Variants in PRSS35 observed in about 807,000 individuals in gnomAD.
The protein encoded by PRSS35 is serine protease 35.
PRSS35 carries 7 observed loss-of-function variants against 8.1 expected under a neutral mutation model. The ratio of observed to expected loss-of-function variants is 0.86; its 90% confidence interval spans 0.49 to 1.62. PRSS35 has a LOEUF of 1.62. PRSS35 is among the 40% of genes most tolerant of loss of function. The pLI is 0.00. For synonymous variants in PRSS35, 199 were observed against 188.7 expected, an observed-to-expected ratio of 1.05 and a Z score of -0.45; for missense variants, 566 against 518.0, an observed-to-expected ratio of 1.09 and a Z score of -0.90.
At chr6:83,514,499 G>A (rs1168217571) in intron 1 of PRSS35, among the ~76,000 whole-genome samples, 1 of 151,876 alleles carries the variant, frequency 6.6e-6, no homozygotes, top group African/African-American at 2.4e-5. Context: ...ACATTTTTTT[G>A]GTCTCCATTT....
In PRSS35 at chr6:83,518,318, T is replaced by G. The variant is rs1026859131; in HGVS notation, c.-20-5104T>G. Among the ~76,000 whole-genome samples the G allele has an allele frequency of 3.3e-5, 5 of 152,338 alleles. No homozygotes were observed. In the South Asian group the frequency reaches 1.0e-3, roughly 32 times the overall value. ...ATAGACTCACTCAAAAAGTTGTTTT[T>G]TTTTCATTGTAGATCACTCCCTTAG... On this transcript the variant is annotated intron_variant, in intron 1 of 1. Transcript: ENST00000369700.
chr6:83,515,199 T>G (rs1771689382), intron 1 of PRSS35, among the ~76,000 whole-genome samples: 1 of 152,192 alleles, frequency 6.6e-6, no homozygotes, highest in Non-Finnish European at 1.5e-5. Context: ...CTGGAAGAAA[T>G]CTTAGAAATG....
chr6:83,518,974 G>A (rs1407449813), intron 1 of PRSS35, among the ~76,000 whole-genome samples: 3 of 152,120 alleles, frequency 2.0e-5, no homozygotes, highest in African/African-American at 7.2e-5. Flanking sequence ...TGGTGAAAAG[G>A]GAATTGAACC....
At chr6:83,522,065 ATGGCTG>A (rs1158736719) in intron 1 of PRSS35, among the ~76,000 whole-genome samples, 1 of 152,152 alleles carries the variant, frequency 6.6e-6, no homozygotes, top group East Asian at 1.9e-4. Context: ...CTGTGGTACA[ATGGCTG>A]TGGGCCATTG....
chr6:83,522,072 T>C (rs1771832275), intron 1 of PRSS35, among the ~76,000 whole-genome samples: 1 of 152,124 alleles, frequency 6.6e-6, no homozygotes, highest in Non-Finnish European at 1.5e-5. Flanking sequence ...ACAATGGCTG[T>C]GGGCCATTGC....
At chr6:83,519,452 T>G (rs577608467) in intron 1 of PRSS35, among the ~76,000 whole-genome samples, 2 of 152,280 alleles carry the variant, frequency 1.3e-5, no homozygotes, top group African/African-American at 2.4e-5. Context: ...ATGTTAGACT[T>G]TCAAAATATT....
chr6:83,520,972 C>T (rs765054825), intron 1 of PRSS35, among the ~76,000 whole-genome samples: 8 of 152,068 alleles, frequency 5.3e-5, no homozygotes, highest in Non-Finnish European at 7.4e-5. Context: ...TGTCTCTTGA[C>T]GTGGATATTT....
rs181298125 is a variant in PRSS35 at position 83,521,143 on chromosome 6, A to G, written c.-20-2279A>G. On this transcript the variant is annotated intron_variant, in intron 1 of 1. Coordinates refer to ENST00000369700, the MANE Select transcript of PRSS35 (RefSeq NM_153362.3). ...GAGAATCAAGTAGATTTAAAAATAT[A>G]CATAATGATATATATCATTTTTATC... Among the ~76,000 whole-genome samples, 221 of 152,314 alleles carry G rather than the reference A, an allele frequency of 1.5e-3. 1 individual carries two copies. The highest frequency in any genetic ancestry group is 5.0e-3 in the African/African-American group (209 of 41,564).
intron 1 of PRSS35, among the ~76,000 whole-genome samples, chr6:83,521,091 A>T (rs1373667015): frequency 6.6e-6 from 1 of 152,180 alleles, no homozygotes; most frequent in African/African-American, 2.4e-5. Flanking sequence ...CCCACACCAA[A>T]ACAACTCCCT....
intron 1 of PRSS35, among the ~76,000 whole-genome samples, chr6:83,519,387 A>C (rs1771778271): frequency 1.3e-5 from 2 of 152,196 alleles, no homozygotes; most frequent in African/African-American, 4.8e-5. Flanking sequence ...TGGACAGTGA[A>C]GGTCACAGTT....
At position 83,524,337 on chromosome 6, in the gene PRSS35, T is replaced by A. The variant is rs1303662762; in HGVS notation, c.896T>A (p.Ile299Asn). The A allele has an allele frequency of 6.2e-7, 1 of 1,613,962 alleles. No homozygotes were observed. Among genetic ancestry groups the A allele is most frequent in the Non-Finnish European group, 8.5e-7 (1 of 1,180,038 alleles). The change falls in exon 2 of 2, where the codon ATC (isoleucine) becomes AAC (asparagine). Residue 299 changes from isoleucine (I) to asparagine (N), a missense_variant. Transcript: ENST00000369700. ...ATGGAACTTGGAATCAGCCCAACGA[T>A]CAAGAAAATGCCTGGTGGAATGATC... ...KYMELGISPT[I>N]KKMPGGMIHF...
chr6:83,522,049 T>G (rs923041226), intron 1 of PRSS35, among the ~76,000 whole-genome samples: 5 of 152,182 alleles, frequency 3.3e-5, no homozygotes, highest in Non-Finnish European at 7.3e-5. Flanking sequence ...ATCCTGTGGG[T>G]GTACCCTGTG....
Position 83,523,909 on chromosome 6 carries a change from C to G in PRSS35, c.468C>G (p.Gly156=), listed in dbSNP as rs748332225. The part of the protein sequence containing the change: ...TAVKLSTGCS[G]ILISPQHVLT... ...TGAAGCTTTCCACGGGCTGTAGTGG[C>G]ATTCTCATTTCCCCTCAGCATGTTC... The change falls in exon 2 of 2, where the codon GGC becomes GGG. Residue 156 remains glycine, a synonymous_variant. Transcript: ENST00000369700. 6.2e-7 allele frequency: 1 copy of G among 1,614,212 alleles called. No individual in the cohort carries two copies. The highest frequency in any genetic ancestry group is 1.1e-5 in the South Asian group (1 of 91,084).
In PRSS35 at chr6:83,523,420, A is replaced by C; in HGVS notation, c.-20-2A>C. 1 of 1,581,338 alleles carries C rather than the reference A, an allele frequency of 6.3e-7. No individual in the cohort carries two copies. The highest frequency in any genetic ancestry group is 8.6e-7 in the Non-Finnish European group (1 of 1,164,618). On this transcript the variant is annotated splice_acceptor_variant, in intron 1 of 1. Coordinates refer to ENST00000369700, the MANE Select transcript of PRSS35 (RefSeq NM_153362.3). LOFTEE classifies it low-confidence loss of function (5UTR_SPLICE). ...AAACCTCTCTCTTTTTCTATTTTTA[A>C]GGACAAAATTAGAAGATCAAAATGG...
In PRSS35 at chr6:83,524,835, TA is replaced by T. The variant is rs1771909168; in HGVS notation, c.*158del. On this transcript the variant is annotated 3_prime_UTR_variant, in exon 2 of 2. Coordinates refer to ENST00000369700, the MANE Select transcript of PRSS35 (RefSeq NM_153362.3). ...CAAAATCAGGAGATTTTCGTCCATT[TA>T]AAAAATGTATAGGTGCAGATATTGA... The T allele has an allele frequency of 1.2e-6, 1 of 854,596 alleles. No individual in the cohort carries two copies. The highest frequency in any genetic ancestry group is 2.7e-5 in the East Asian group (1 of 36,674). 52.9% of individuals were successfully genotyped at this position (854,596 alleles called of 1,614,324 possible).
At position 83,524,554 on chromosome 6, in the gene PRSS35, A is replaced by G. The variant is rs774427908; in HGVS notation, c.1113A>G (p.Ser371=). Residue 371 remains serine, a synonymous_variant, in exon 2 of 2, where the codon TCA becomes TCG. Transcript: ENST00000369700. The stretch of plus-strand genomic sequence containing the variant: ...AGCGCAAAATCATTGCGGTCTACTC[A>G]GGGCACCAGTGGGTGGATGTCCACG... ...NWKRKIIAVY[S]GHQWVDVHGV... is the part of the protein sequence containing the mutation. 5.0e-6 allele frequency: 8 copies of G among 1,614,090 alleles called. No individual in the cohort carries two copies. Among genetic ancestry groups the G allele is most frequent in the African/African-American group, 4.0e-5 (3 of 74,924 alleles).
chr6:83,524,557 G>A lies in PRSS35; in HGVS notation c.1116G>A (p.Gly372=). 2 of 1,614,176 alleles carry A rather than the reference G, an allele frequency of 1.2e-6. No homozygotes were observed. Among genetic ancestry groups the A allele is most frequent in the South Asian group, 2.2e-5 (2 of 91,080 alleles). Residue 372 remains glycine (G), a synonymous_variant, in exon 2 of 2, where the codon GGG becomes GGA. Transcript: ENST00000369700. ...GCAAAATCATTGCGGTCTACTCAGG[G>A]CACCAGTGGGTGGATGTCCACGGGG... is the stretch of plus-strand genomic sequence containing the variant. ...WKRKIIAVYS[G]HQWVDVHGVQ... is the part of the protein sequence containing the mutation.
At chr6:83,519,175 C>G (rs943515391) in intron 1 of PRSS35, among the ~76,000 whole-genome samples, 7 of 152,184 alleles carry the variant, frequency 4.6e-5, no homozygotes, top group African/African-American at 1.7e-4. Context: ...GTAATTACAT[C>G]TCTTCCATCA....
At chr6:83,516,441 T>C (rs1364671895) in intron 1 of PRSS35, among the ~76,000 whole-genome samples, 1 of 151,786 alleles carries the variant, frequency 6.6e-6, no homozygotes, top group African/African-American at 2.4e-5. Context: ...CCGGGCATGG[T>C]GGCGGGCGCC....
Sources: gnomAD v4.1 joint callset for allele counts (sites outside exome capture counted in the v4.1 genomes callset) on GRCh38, gnomAD v4.1.1 for gene constraint, MANE v1.5 for transcripts, NCBI Gene and HGNC (gene_info 2026-07-23, HGNC 2026-07-21) for gene names.